DLGAP1: variants seen among roughly 807,000 people sequenced by gnomAD.
DLGAP1 encodes DLG associated protein 1, also known as disks large-associated protein 1.
A neutral mutation model predicts 90.8 loss-of-function variants in DLGAP1; 11 were observed. The ratio of observed to expected loss-of-function variants is 0.12; its 90% CI spans 0.08 to 0.20. The LOEUF (loss-of-function observed/expected upper bound fraction) is 0.20. Among genes scored for constraint, DLGAP1 ranks in the 10% least tolerant of loss-of-function variants. The pLI, the probability that DLGAP1 is intolerant of heterozygous loss-of-function variation, is 1.00. For missense variants in DLGAP1, 1,050 were observed against 1,333.8 expected (o/e 0.79, Z 3.31); for synonymous variants, 558 against 540.7 (o/e 1.03, Z -0.44).
chr18:4,432,589 AGTGTGTGT>A (rs545618675), intron 1 of DLGAP1, among the ~76,000 whole-genome samples: 130 of 111,470 alleles, frequency 1.2e-3, no homozygotes, highest in Non-Finnish European at 1.8e-3. Flanking sequence ...CACCTCACAT[AGTGTGTGT>A]GTGTGTGTGT....
At chr18:4,137,414 G>C (rs2076422857) in intron 2 of DLGAP1, among the ~76,000 whole-genome samples, 1 of 152,098 alleles carries the variant, frequency 6.6e-6, no homozygotes, top group African/African-American at 2.4e-5. Context: ...TGGTACCTTT[G>C]TTTTAAGGTA....
intron 1 of DLGAP1, among the ~76,000 whole-genome samples, chr18:4,435,848 T>C (rs1288745913): frequency 6.6e-6 from 1 of 152,090 alleles, no homozygotes; most frequent in African/African-American, 2.4e-5. Context: ...GTCACACATA[T>C]AGGAGCTGGA....
chr18:3,700,598 T>TTTA (rs113645043), intron 7 of DLGAP1, among the ~76,000 whole-genome samples: 15,475 of 151,942 alleles, frequency 0.1, 1,491 homozygotes, highest in African/African-American at 0.25. Flanking sequence ...AGCATTTTAT[T>TTTA]TTATTTTTTT....
Position 4,072,113 on chromosome 18 carries a change from A to G in DLGAP1, c.-158-66912T>C, listed in dbSNP as rs372394185. On this transcript the variant is annotated intron_variant, in intron 2 of 12. Coordinates refer to ENST00000315677, the MANE Select transcript of DLGAP1 (RefSeq NM_004746.4). ...GGCCGCAGTACTGCTAATGGTGAAT[A>G]TTAAACAGGTAGCATCGGTTCTGTG... Among the ~76,000 whole-genome samples the G allele has an allele frequency of 1.6e-4, 24 of 152,298 alleles. 1 individual carries two copies. Among genetic ancestry groups the G allele is most frequent in the African/African-American group, 5.3e-4 (22 of 41,586 alleles).
intron 1 of DLGAP1, among the ~76,000 whole-genome samples, chr18:4,387,923 T>TCACACACACACACACA (rs869144582): frequency 5.9e-5 from 2 of 33,668 alleles, no homozygotes; most frequent in African/African-American, 1.2e-4. Context: ...AGAGACTCCA[T>TCACACACACACACACA]CACACATACA....
chr18:4,068,773 T>A (rs550245940), intron 2 of DLGAP1, among the ~76,000 whole-genome samples: 2 of 152,172 alleles, frequency 1.3e-5, no homozygotes, highest in South Asian at 4.1e-4. Context: ...AAAACTACAG[T>A]GAACATGTCA....
At chr18:4,110,189 C>G (rs2075948526) in intron 2 of DLGAP1, among the ~76,000 whole-genome samples, 1 of 152,126 alleles carries the variant, frequency 6.6e-6, no homozygotes. Context: ...GCATATTGCT[C>G]CCAGGCTGCA....
rs566143699 is a variant in DLGAP1, at chr18:4,003,413, C to A, written c.-73+1703G>T. On this transcript the variant is annotated intron_variant, in intron 3 of 12. Transcript: ENST00000315677. ...TGTAATTTCTTTTTGGACCCATCTT[C>A]TTTTTCAGGTGCTTAATATCATTGT... is the stretch of plus-strand genomic sequence containing the variant. Among the ~76,000 whole-genome samples the A allele has an allele frequency of 7.0e-5, 9 of 128,410 alleles. No individual in the cohort carries two copies. The South Asian group carries it at 1.1e-3, about 15-fold the overall frequency. 84.2% of individuals were successfully genotyped at this position (128,410 alleles called of 152,430 possible). A position where few individuals can be genotyped will look rare whatever the true frequency, so the allele number is the denominator to read the frequency against.
chr18:4,363,914 C>T (rs1056725572), intron 1 of DLGAP1, among the ~76,000 whole-genome samples: 6 of 151,794 alleles, frequency 4.0e-5, no homozygotes, highest in African/African-American at 1.2e-4. Flanking sequence ...GGGTATATAC[C>T]CAAAGGACTA....
chr18:3,956,809 C>T (rs1324392710), intron 3 of DLGAP1, among the ~76,000 whole-genome samples: 2 of 152,098 alleles, frequency 1.3e-5, no homozygotes, highest in African/African-American at 2.4e-5. Flanking sequence ...CACAACCACA[C>T]CTGGCTAATT....
chr18:4,048,391 T>C (rs111251577), intron 2 of DLGAP1, among the ~76,000 whole-genome samples: 1,767 of 152,338 alleles, frequency 0.012, 24 homozygotes, highest in South Asian at 0.041. Flanking sequence ...TTGTACCATA[T>C]TGATTCTAAA....
chr18:4,154,654 G>A (rs888475130), intron 1 of DLGAP1, among the ~76,000 whole-genome samples: 7 of 152,182 alleles, frequency 4.6e-5, no homozygotes, highest in African/African-American at 1.7e-4. Flanking sequence ...CGATCAGGAA[G>A]TCCTCTTTTC....
At chr18:3,632,374 T>C in intron 7 of DLGAP1, among the ~76,000 whole-genome samples, 1 of 151,896 alleles carries the variant, frequency 6.6e-6, no homozygotes, top group East Asian at 1.9e-4. Context: ...CGATCTCTGC[T>C]CACTGCAACC....
intron 3 of DLGAP1, among the ~76,000 whole-genome samples, chr18:3,906,435 A>T (rs984711893): frequency 1.3e-5 from 2 of 152,156 alleles, no homozygotes; most frequent in Admixed American, 1.3e-4. Context: ...AGCTTAAGGG[A>T]CACTCTTTAT....
chr18:3,890,172 G>C (rs906440452), intron 3 of DLGAP1, among the ~76,000 whole-genome samples: 11 of 152,254 alleles, frequency 7.2e-5, no homozygotes, highest in African/African-American at 2.2e-4. Flanking sequence ...AGTCTCTGAA[G>C]TGGCCCCAAC....
chr18:4,312,364 A>T (rs1192504480), intron 1 of DLGAP1, among the ~76,000 whole-genome samples: 1 of 152,190 alleles, frequency 6.6e-6, no homozygotes, highest in Non-Finnish European at 1.5e-5. Flanking sequence ...AAGATTATAC[A>T]ATACTAACTA....
chr18:4,178,249 ACACAC>A (rs1276017531), intron 1 of DLGAP1, among the ~76,000 whole-genome samples: 1 of 147,570 alleles, frequency 6.8e-6, no homozygotes, highest in Non-Finnish European at 1.5e-5. Flanking sequence ...ACACACACAC[ACACAC>A]ATTAGAGATA....
chr18:3,904,507 C>T (rs1359217031), intron 3 of DLGAP1, among the ~76,000 whole-genome samples: 4 of 152,166 alleles, frequency 2.6e-5, no homozygotes, highest in Admixed American at 2.0e-4. Context: ...CACCTAGTCC[C>T]GTCCCAGAGC....
intron 7 of DLGAP1, among the ~76,000 whole-genome samples, chr18:3,644,620 C>T (rs2059055494): frequency 6.6e-6 from 1 of 152,054 alleles, no homozygotes; most frequent in South Asian, 2.1e-4. Flanking sequence ...ACCATGTCGG[C>T]CAGGCTGGTC....
Sources: allele counts gnomAD v4.1 joint callset (sites outside exome capture counted in the v4.1 genomes callset), GRCh38; gene constraint gnomAD v4.1.1; transcripts MANE v1.5; gene names NCBI Gene and HGNC (gene_info 2026-07-23, HGNC 2026-07-21).